Variants in CDK10 observed in about 807,000 individuals in gnomAD.
The protein encoded by CDK10 is cyclin-dependent kinase 10.
In CDK10, 55 loss-of-function variants were observed where a neutral mutation model predicts 51.0. The ratio of observed to expected loss-of-function variants is 1.08; its 90% CI spans 0.87 to 1.35. CDK10 has a LOEUF of 1.35. Among genes scored for constraint, CDK10 ranks in the 40% most tolerant of loss-of-function variants. The probability of loss-of-function intolerance (pLI) is 0.00; values close to 1 mark genes in which losing one functional copy is unlikely to be tolerated. For missense variants in CDK10, 589 were observed against 485.1 expected, an observed-to-expected ratio of 1.21 and a Z score of -2.01; for synonymous variants, 255 against 199.1, an observed-to-expected ratio of 1.28 and a Z score of -2.36.
chr16:89,694,125 CTG>C, intron 8 of CDK10, 46 bp from the exon 9 acceptor site: 1 of 1,591,250 alleles, frequency 6.3e-7, no homozygotes, highest in Non-Finnish European at 8.6e-7. Context: ...GAGGCCTGGG[CTG>C]GGGGAGAGGA....
In CDK10 at chr16:89,686,720, C is replaced by G. The variant is rs187319559; in HGVS notation, c.10C>G (p.Pro4Ala). Reference sequence around the variant, plus strand: ...GGGGCCAGCGCTCGGCATGGCGGAGCCAGATCTGGAGTGCGAGCAGATCCG... The same window carrying G: ...GGGGCCAGCGCTCGGCATGGCGGAGGCAGATCTGGAGTGCGAGCAGATCCG... Reference protein sequence around the residue: MAEPDLECEQIRLK... With the variant: MAEADLECEQIRLK... Residue 4 changes from proline (P) to alanine (A), a missense_variant, in exon 1 of 13, where the codon CCA becomes GCA. Coordinates refer to ENST00000353379, the MANE Select transcript of CDK10 (RefSeq NM_052988.5). The G allele has an allele frequency of 5.3e-3, 8,552 of 1,603,842 alleles. 34 individuals are homozygous for G. Among genetic ancestry groups the G allele is most frequent in the Non-Finnish European group, 6.1e-3 (7,209 of 1,175,440 alleles).
chr16:89,694,265 C>G, intron 9 of CDK10, 33 bp downstream of exon 9: 1 of 1,608,336 alleles, frequency 6.2e-7, no homozygotes, highest in Non-Finnish European at 8.5e-7. Context: ...CCTGGGGCCT[C>G]AGGAAGGGCT....
intron 1 of CDK10, among the ~76,000 whole-genome samples, chr16:89,688,998 G>A (rs1030246875): frequency 2.0e-5 from 3 of 152,164 alleles, no homozygotes; most frequent in Non-Finnish European, 4.4e-5. Flanking sequence ...TACTCAGGAG[G>A]CTGAGGCCGG....
rs1487285567 is a variant in CDK10, at chr16:89,696,125, G to A, written c.*433G>A. The A allele has an allele frequency of 2.4e-6, 1 of 411,650 alleles. No individual in the cohort carries two copies. Among genetic ancestry groups the A allele is most frequent in the Non-Finnish European group, 4.5e-6 (1 of 220,730 alleles). 25.5% of individuals were successfully genotyped at this position (411,650 alleles called of 1,614,324 possible). A position where few individuals can be genotyped will look rare whatever the true frequency, so the allele number is the denominator to read the frequency against. On this transcript the variant is annotated 3_prime_UTR_variant, in exon 13 of 13. Coordinates refer to ENST00000353379, the MANE Select transcript of CDK10 (RefSeq NM_052988.5). ...GTCGCCCGGGGCTGTCCCGTGCATGGGTTGGCTGTGGGGACCCCAGGTGGG... is the reference window on the plus strand; with the variant it reads ...GTCGCCCGGGGCTGTCCCGTGCATGAGTTGGCTGTGGGGACCCCAGGTGGG...
At chr16:89,692,757 G>A (rs938394130) in intron 6 of CDK10, 2 of 384,880 alleles carry the variant, frequency 5.2e-6, no homozygotes, top group Admixed American at 4.4e-5. Flanking sequence ...GGGATTACAG[G>A]TGGGAGCCAC....
At chr16:89,694,466 CTGCACT>C in intron 9 of CDK10, 193 bp from the exon 10 acceptor site, 1 of 983,810 alleles carries the variant, frequency 1.0e-6, no homozygotes, top group Non-Finnish European at 1.5e-6. Flanking sequence ...ACGCCTGCCC[CTGCACT>C]TGTCACCCCG....
chr16:89,695,980 G>A lies in CDK10; in HGVS notation c.*288G>A. 1.6e-6 allele frequency: 1 copy of A among 614,780 alleles called. No individual in the cohort carries two copies. Among genetic ancestry groups the A allele is most frequent in the East Asian group, 2.7e-5 (1 of 36,388 alleles). The allele number at this position is 614,780 out of a possible 1,614,324, so 38.1% of individuals were successfully genotyped here. A position where few individuals can be genotyped will look rare whatever the true frequency, so the allele number is the denominator to read the frequency against. ...TCATGTGGTCCTCCTCGCTATGTTG[G>A]AAATGTGCAACCACTGCTTCTTGGG... On this transcript the variant is annotated 3_prime_UTR_variant, in exon 13 of 13. Coordinates refer to ENST00000353379, the MANE Select transcript of CDK10 (RefSeq NM_052988.5).
intron 1 of CDK10, among the ~76,000 whole-genome samples, chr16:89,688,431 A>G (rs960405890): frequency 2.6e-5 from 4 of 152,148 alleles, no homozygotes; most frequent in Non-Finnish European, 4.4e-5. Context: ...CTACTAGTTC[A>G]GAGACCCCAA....
chr16:89,694,139 C>A, intron 8 of CDK10, 34 bp from the exon 9 acceptor site: 1 of 1,609,964 alleles, frequency 6.2e-7, no homozygotes, highest in African/African-American at 1.3e-5. Flanking sequence ...GGGAGAGGAG[C>A]CGGCTGTATT....
chr16:89,689,199 AGTT>A (rs1267748710), intron 1 of CDK10, 50 bp from the exon 2 acceptor site: 2 of 1,521,146 alleles, frequency 1.3e-6, no homozygotes, highest in African/African-American at 1.4e-5. Context: ...AAATTTCCTC[AGTT>A]GTTCCATCAG....
chr16:89,690,486 C>T (rs554418137), intron 2 of CDK10, 67 bp from the exon 3 acceptor site: 19 of 1,407,542 alleles, frequency 1.3e-5, no homozygotes, highest in Non-Finnish European at 1.4e-5. Context: ...GAGAGCCTCC[C>T]GTTCAGCGCT....
chr16:89,695,884 C>T lies in CDK10; in HGVS notation c.*192C>T, dbSNP rs945418669. 1.8e-5 allele frequency: 23 copies of T among 1,306,966 alleles called. No homozygotes were observed. Among genetic ancestry groups the T allele is most frequent in the Non-Finnish European group, 2.4e-5 (23 of 941,586 alleles). The allele number at this position is 1,306,966 out of a possible 1,614,324, so 81.0% of individuals were successfully genotyped here. On this transcript the variant is annotated 3_prime_UTR_variant, in exon 13 of 13. Coordinates refer to ENST00000353379, the MANE Select transcript of CDK10 (RefSeq NM_052988.5). Reference sequence around the variant, plus strand: ...CTGCCCCCAGAAAAAGGCCGGGTGACACCGGGGGGCTCCCAGCCCGTGCAC... The same window carrying T: ...CTGCCCCCAGAAAAAGGCCGGGTGATACCGGGGGGCTCCCAGCCCGTGCAC...
chr16:89,686,802 G>A lies in CDK10; in HGVS notation c.87+5G>A. 1 of 1,607,618 alleles carries A rather than the reference G, an allele frequency of 6.2e-7. No individual in the cohort carries two copies. The highest frequency in any genetic ancestry group is 1.1e-5 in the South Asian group (1 of 90,556). ...ACGGTGCCTCCGGAACACAGGGTGC[G>A]CGGGGTGCCACCCGGGCAGCTCTGC... On this transcript the variant is annotated splice_donor_5th_base_variant and intron_variant, in intron 1 of 12. Transcript: ENST00000353379.
chr16:89,695,553 TG>T, intron 12 of CDK10, 41 bp from the exon 13 acceptor site: 1 of 1,573,436 alleles, frequency 6.4e-7, no homozygotes, highest in Non-Finnish European at 8.6e-7. Context: ...TCCTCCTATC[TG>T]GGGCCCTGCC....
intron 8 of CDK10, 167 bp downstream of exon 8, chr16:89,693,634 G>A (rs1275976120): frequency 1.5e-6 from 1 of 658,972 alleles, no homozygotes; most frequent in East Asian, 2.7e-5. Flanking sequence ...ACACAGCAGG[G>A]CTGTGCCACA....
At chr16:89,689,652 A>C in intron 2 of CDK10, 1 of 276,688 alleles carries the variant, frequency 3.6e-6, no homozygotes, top group South Asian at 4.7e-5. Context: ...CACCTCAGCA[A>C]CTCTGGAGGA....
intron 6 of CDK10, chr16:89,692,739 A>G (rs928506436): frequency 2.5e-6 from 1 of 399,008 alleles, no homozygotes; most frequent in Admixed American, 4.4e-5. Context: ...TTGGCCTCCC[A>G]AAGTGCTGGG....
rs1567512489 is a variant in CDK10, at chr16:89,689,314, C to CG, written c.152dup (p.Ile52HisfsTer12). The CG allele has an allele frequency of 2.5e-6, 4 of 1,613,862 alleles. No individual in the cohort carries two copies. Among genetic ancestry groups the CG allele is most frequent in the Non-Finnish European group, 3.4e-6 (4 of 1,179,822 alleles). On this transcript the variant is annotated frameshift_variant, in exon 2 of 13. Transcript: ENST00000353379. LOFTEE classifies it high-confidence loss of function. ...TGAACCGCATTGGAGAGGGTACCTA[C>CG]GGCATTGTGTGTGAGTGGCCAAGGC...
intron 11 of CDK10, 54 bp from the exon 12 acceptor site, chr16:89,695,239 G>C: frequency 6.4e-7 from 1 of 1,569,448 alleles, no homozygotes; most frequent in East Asian, 2.3e-5. Context: ...CAGCTGGGTG[G>C]GAGGTGAGGA....
Sources: gnomAD v4.1 joint callset for allele counts (sites outside exome capture counted in the v4.1 genomes callset) on GRCh38, gnomAD v4.1.1 for gene constraint, MANE v1.5 for transcripts, NCBI Gene and HGNC (gene_info 2026-07-23, HGNC 2026-07-21) for gene names.